Variants in CLSTN2 observed in about 807,000 individuals in gnomAD.
CLSTN2 encodes calsyntenin-2.
A neutral mutation model predicts 101.2 loss-of-function variants in CLSTN2; 48 were observed. The ratio of observed to expected loss-of-function variants is 0.47; its 90% CI spans 0.38 to 0.60. CLSTN2 has a LOEUF of 0.60. CLSTN2 is among the 20% of genes least tolerant of loss of function. The pLI, the probability that CLSTN2 is intolerant of heterozygous loss-of-function variation, is 0.00. For synonymous variants in CLSTN2, 481 were observed against 463.6 expected, an observed-to-expected ratio of 1.04 and a Z score of -0.48; for missense variants, 1,160 against 1,238.2, an observed-to-expected ratio of 0.94 and a Z score of 0.95.
intron 2 of CLSTN2, among the ~76,000 whole-genome samples, chr3:140,283,817 G>A (rs2086870865): frequency 6.6e-6 from 1 of 152,054 alleles, no homozygotes; most frequent in Non-Finnish European, 1.5e-5. Context: ...TGCTCAATCA[G>A]TTTCTTTGAT....
chr3:140,106,120 G>C (rs1166246769), intron 1 of CLSTN2, among the ~76,000 whole-genome samples: 1 of 152,070 alleles, frequency 6.6e-6, no homozygotes, highest in African/African-American at 2.4e-5. Context: ...ACTGGTCTTT[G>C]TTCTTCTCCT....
chr3:140,084,494 G>A (rs1474390137), intron 1 of CLSTN2, among the ~76,000 whole-genome samples: 1 of 152,186 alleles, frequency 6.6e-6, no homozygotes, highest in Non-Finnish European at 1.5e-5. Context: ...TCAAATGTAT[G>A]ATAGCTGACT....
chr3:140,252,045 G>A (rs1047410040), intron 2 of CLSTN2, among the ~76,000 whole-genome samples: 1 of 152,136 alleles, frequency 6.6e-6, no homozygotes, highest in African/African-American at 2.4e-5. Context: ...GCATGATGGA[G>A]AGGCATTGGA....
chr3:140,246,953 G>A (rs2086523382), intron 2 of CLSTN2, among the ~76,000 whole-genome samples: 1 of 152,196 alleles, frequency 6.6e-6, no homozygotes, highest in Non-Finnish European at 1.5e-5. Context: ...TAGTCATTGT[G>A]AGGATTCTGA....
At chr3:140,131,720 T>C (rs2009525583) in intron 1 of CLSTN2, among the ~76,000 whole-genome samples, 1 of 152,118 alleles carries the variant, frequency 6.6e-6, no homozygotes, top group Non-Finnish European at 1.5e-5. Context: ...CATATCCTGA[T>C]AGTGATGGGG....
At chr3:140,509,588 C>T (rs910741970) in intron 8 of CLSTN2, among the ~76,000 whole-genome samples, 1 of 152,158 alleles carries the variant, frequency 6.6e-6, no homozygotes, top group African/African-American at 2.4e-5. Flanking sequence ...ACAATCAGCA[C>T]CTCAGTGGGG....
intron 10 of CLSTN2, among the ~76,000 whole-genome samples, chr3:140,547,514 AC>A (rs1391621234): frequency 6.6e-6 from 1 of 152,158 alleles, no homozygotes; most frequent in Non-Finnish European, 1.5e-5. Context: ...AAGAAAAAAA[AC>A]ATGAACAGTT....
chr3:140,079,722 G>A (rs1302469005), intron 1 of CLSTN2, among the ~76,000 whole-genome samples: 5 of 148,924 alleles, frequency 3.4e-5, no homozygotes, highest in African/African-American at 5.1e-5. Flanking sequence ...CTGCACTCCA[G>A]CCTGGACAAC....
intron 4 of CLSTN2, among the ~76,000 whole-genome samples, chr3:140,414,624 A>C (rs2088406099): frequency 6.6e-6 from 1 of 152,052 alleles, no homozygotes; most frequent in African/African-American, 2.4e-5. Context: ...AACAATGTAC[A>C]CTACTTGGAT....
rs979492854 is a variant in CLSTN2 at position 140,330,885 on chromosome 3, C to T, written c.233-72744C>T. On this transcript the variant is annotated intron_variant, in intron 2 of 16. Transcript: ENST00000458420. ...TAACCCTAGGGTTTAAAATCAGGCACTTGCTCTGCTCACCAGGTGTATTAA... is the reference window on the plus strand; with the variant it reads ...TAACCCTAGGGTTTAAAATCAGGCATTTGCTCTGCTCACCAGGTGTATTAA... Among the ~76,000 whole-genome samples, 19 of 152,210 alleles carry T rather than the reference C, an allele frequency of 1.2e-4. 1 individual carries two copies. The highest frequency in any genetic ancestry group is 4.1e-4 in the African/African-American group (17 of 41,452).
At chr3:140,086,567 C>G (rs961380372) in intron 1 of CLSTN2, among the ~76,000 whole-genome samples, 1 of 152,146 alleles carries the variant, frequency 6.6e-6, no homozygotes, top group East Asian at 1.9e-4. Context: ...AAATACATAT[C>G]CGTGACCTTC....
intron 1 of CLSTN2, among the ~76,000 whole-genome samples, chr3:140,173,519 C>T (rs144118103): frequency 0.039 from 5,911 of 152,298 alleles, 166 homozygotes; most frequent in Non-Finnish European, 0.062. Context: ...CTCCACTAGG[C>T]GATTCCCCAG....
At chr3:140,322,043 C>G (rs1172977116) in intron 2 of CLSTN2, among the ~76,000 whole-genome samples, 3 of 152,188 alleles carry the variant, frequency 2.0e-5, no homozygotes, top group Admixed American at 1.3e-4. Context: ...GACCTCAGGG[C>G]CCCAGGGGAA....
At chr3:140,026,134 C>A (rs752619466) in intron 1 of CLSTN2, among the ~76,000 whole-genome samples, 3 of 152,104 alleles carry the variant, frequency 2.0e-5, no homozygotes, top group Non-Finnish European at 4.4e-5. Context: ...TTGATGAATT[C>A]AAACCTCTGC....
chr3:140,161,482 T>G (rs900599613), intron 1 of CLSTN2, among the ~76,000 whole-genome samples: 2 of 152,166 alleles, frequency 1.3e-5, no homozygotes, highest in African/African-American at 4.8e-5. Flanking sequence ...TCCAAAAGAA[T>G]CAGAGGCTCT....
At chr3:140,504,634 A>C (rs992848668) in intron 8 of CLSTN2, among the ~76,000 whole-genome samples, 23 of 152,342 alleles carry the variant, frequency 1.5e-4, no homozygotes, top group African/African-American at 5.3e-4. Context: ...TCAGTAAACA[A>C]GGGAGGCCAT....
chr3:140,057,167 C>CCAATACACATCCAAAG (rs2008113115), intron 1 of CLSTN2, among the ~76,000 whole-genome samples: 1 of 152,210 alleles, frequency 6.6e-6, no homozygotes, highest in African/African-American at 2.4e-5. Context: ...AGGAAGCAAA[C>CCAATACACATCCAAAG]CAATACACAT....
At chr3:140,092,458 G>C (rs950644138) in intron 1 of CLSTN2, among the ~76,000 whole-genome samples, 4 of 152,206 alleles carry the variant, frequency 2.6e-5, no homozygotes, top group African/African-American at 9.7e-5. Flanking sequence ...GAGGCTTAGA[G>C]TGGGGTGTGT....
At chr3:140,369,432 A>T (rs1165107557) in intron 2 of CLSTN2, among the ~76,000 whole-genome samples, 4 of 152,140 alleles carry the variant, frequency 2.6e-5, no homozygotes, top group Non-Finnish European at 4.4e-5. Context: ...TAACATCACA[A>T]ATTAAACCTG....
Sources: gnomAD v4.1 joint callset for allele counts (sites outside exome capture counted in the v4.1 genomes callset) on GRCh38, gnomAD v4.1.1 for gene constraint, MANE v1.5 for transcripts, NCBI Gene and HGNC (gene_info 2026-07-23, HGNC 2026-07-21) for gene names.